Variants in KSR2 observed in about 807,000 individuals in gnomAD.
KSR2 encodes kinase suppressor of ras 2.
Under a neutral mutation model 107.8 loss-of-function variants are expected in KSR2, and 25 were observed. The observed-to-expected ratio is 0.23, with a 90% CI of 0.17 to 0.32. The LOEUF (loss-of-function observed/expected upper bound fraction) is 0.32. KSR2 is among the 10% of genes least tolerant of loss of function. The pLI is 1.00. For synonymous variants in KSR2, 480 were observed against 507.0 expected (o/e 0.95, Z 0.71); for missense variants, 887 against 1,268.9 (o/e 0.70, Z 4.57).
At chr12:117,568,175 C>A (rs896665797) in intron 7 of KSR2, among the ~76,000 whole-genome samples, 3 of 152,178 alleles carry the variant, frequency 2.0e-5, no homozygotes, top group Admixed American at 6.5e-5. Context: ...ACTTGCTGTA[C>A]CCTCCCTCCT....
intron 10 of KSR2, 120 bp from the exon 11 acceptor site, chr12:117,531,827 A>G: frequency 1.6e-6 from 1 of 637,316 alleles, no homozygotes; most frequent in Non-Finnish European, 2.6e-6. Context: ...GAGTTTCCAT[A>G]CTTCTGCAGA....
intron 3 of KSR2, among the ~76,000 whole-genome samples, chr12:117,798,712 A>ATATAT (rs1463784186): frequency 2.6e-5 from 2 of 76,450 alleles, no homozygotes; most frequent in East Asian, 4.9e-4. Flanking sequence ...AAAAGTCCAA[A>ATATAT]AAAAAAAAAT....
At chr12:117,773,586 A>G (rs773034880) in intron 3 of KSR2, among the ~76,000 whole-genome samples, 2 of 152,172 alleles carry the variant, frequency 1.3e-5, no homozygotes, top group Non-Finnish European at 2.9e-5. Flanking sequence ...AGAGTCTACC[A>G]TTCCAGGATC....
chr12:117,470,020 CCAGT>C (rs1341822245), intron 18 of KSR2, among the ~76,000 whole-genome samples: 3 of 151,566 alleles, frequency 2.0e-5, no homozygotes, highest in Non-Finnish European at 4.4e-5. Flanking sequence ...ATCCATCCAT[CCAGT>C]ATGTATCTAC....
chr12:117,927,140 C>T (rs1354812156), intron 1 of KSR2, among the ~76,000 whole-genome samples: 1 of 152,158 alleles, frequency 6.6e-6, no homozygotes, highest in Non-Finnish European at 1.5e-5. Context: ...CTTTGGGAGG[C>T]CGAGGCGGGT....
intron 5 of KSR2, among the ~76,000 whole-genome samples, chr12:117,611,883 T>C (rs370243267): frequency 6.6e-6 from 1 of 152,322 alleles, no homozygotes; most frequent in Non-Finnish European, 1.5e-5. Flanking sequence ...AAATATTGTA[T>C]GATTCCACTC....
chr12:117,539,594 G>T, intron 10 of KSR2, 125 bp downstream of exon 10: 1 of 882,138 alleles, frequency 1.1e-6, no homozygotes, highest in Non-Finnish European at 1.7e-6. Context: ...CCCCTCTCTG[G>T]TCATTGACCC....
chr12:117,507,261 G>C (rs988341767), intron 14 of KSR2, among the ~76,000 whole-genome samples: 2 of 152,140 alleles, frequency 1.3e-5, no homozygotes, highest in Admixed American at 1.3e-4. Flanking sequence ...TTCAGCACCA[G>C]GATGGCAAAC....
chr12:117,539,662 C>T (rs1428544081), intron 10 of KSR2, 57 bp downstream of exon 10: 5 of 1,489,164 alleles, frequency 3.4e-6, no homozygotes, highest in Middle Eastern at 2.4e-4. Context: ...CCACCCCCTC[C>T]CTAATCTCTG....
At chr12:117,826,331 A>G (rs1228543464) in intron 3 of KSR2, among the ~76,000 whole-genome samples, 1 of 152,048 alleles carries the variant, frequency 6.6e-6, no homozygotes, top group Non-Finnish European at 1.5e-5. Context: ...TGCAAAGCCC[A>G]CAGCAGTCCT....
intron 5 of KSR2, among the ~76,000 whole-genome samples, chr12:117,659,405 A>T (rs1207756417): frequency 1.3e-5 from 2 of 152,172 alleles, no homozygotes; most frequent in African/African-American, 4.8e-5. Flanking sequence ...CTCATGGAAC[A>T]TACACACCCA....
In KSR2 at chr12:117,521,114, C is replaced by A. The variant is rs1217923096; in HGVS notation, c.2219+3738G>T. On this transcript the variant is annotated intron_variant, in intron 14 of 19. Coordinates refer to ENST00000339824, the MANE Select transcript of KSR2 (RefSeq NM_173598.6). ...AGTCTTGCTCCTGACAGCTTCTCTA[C>A]CCTCACCTTCTCCCCTTTGCCCTCA... 2.6e-5 allele frequency among the ~76,000 whole-genome samples: 4 copies of A among 152,184 alleles called. No homozygotes were observed. The East Asian group carries it at 7.7e-4, about 29-fold the overall frequency.
chr12:117,535,053 T>A (rs1875940401), intron 10 of KSR2, among the ~76,000 whole-genome samples: 2 of 152,188 alleles, frequency 1.3e-5, no homozygotes, highest in Non-Finnish European at 2.9e-5. Flanking sequence ...TGGTCATTTG[T>A]TACAATAACA....
intron 1 of KSR2, among the ~76,000 whole-genome samples, chr12:117,914,728 G>T (rs1452492281): frequency 6.6e-6 from 1 of 152,122 alleles, no homozygotes; most frequent in Non-Finnish European, 1.5e-5. Context: ...AGAGACAGGG[G>T]TCTTACTATG....
chr12:117,484,287 C>T (rs1872334247), intron 16 of KSR2, 129 bp downstream of exon 16: 1 of 1,010,672 alleles, frequency 9.9e-7, no homozygotes. Flanking sequence ...AGTAGAGCAG[C>T]TGCCCCACTC....
chr12:117,916,147 T>TC, intron 1 of KSR2, among the ~76,000 whole-genome samples: 1 of 146,082 alleles, frequency 6.8e-6, no homozygotes, highest in African/African-American at 2.5e-5. Flanking sequence ...TTTTTTTTTT[T>TC]TTTTTTTGAG....
Position 117,555,327 on chromosome 12 carries a change from A to G in KSR2, c.1394-34T>C, listed in dbSNP as rs528977554. Reference sequence around the variant, plus strand: ...GTAAAAACATTGATTTGGGAGTTTAAGTATCACTTTGTCTTTGGTTATGCC... The same window carrying G: ...GTAAAAACATTGATTTGGGAGTTTAGGTATCACTTTGTCTTTGGTTATGCC... On this transcript the variant is annotated intron_variant, in intron 8 of 19. Coordinates refer to ENST00000339824, the MANE Select transcript of KSR2 (RefSeq NM_173598.6). 56 of 1,612,084 alleles carry G rather than the reference A, an allele frequency of 3.5e-5. No individual in the cohort carries two copies. In the East Asian group the frequency reaches 1.2e-3, roughly 35 times the overall value.
rs193100435 is a variant in KSR2 at position 117,732,841 on chromosome 12, G to A, written c.986+28170C>T. Reference sequence around the variant, plus strand: ...GCGTTTTAAATTACTGAGTCCTAACGGGGTCCATCAGAGGGGATGTAGGCC... The same window carrying A: ...GCGTTTTAAATTACTGAGTCCTAACAGGGTCCATCAGAGGGGATGTAGGCC... On this transcript the variant is annotated intron_variant, in intron 4 of 19. Transcript: ENST00000339824. Among the ~76,000 whole-genome samples, 454 of 152,254 alleles carry A rather than the reference G, an allele frequency of 3.0e-3. 1 individual carries two copies. Among genetic ancestry groups the A allele is most frequent in the Middle Eastern group, 0.017 (5 of 294 alleles).
Position 117,675,167 on chromosome 12 carries a change from A to T in KSR2, c.987-7509T>A, listed in dbSNP as rs952661643. On this transcript the variant is annotated intron_variant, in intron 4 of 19. Coordinates refer to ENST00000339824, the MANE Select transcript of KSR2 (RefSeq NM_173598.6). ...CCCAGCTGGAATTCTGCATTTACTTATGTGGTTACCAGAGGAATGTCTGTC... is the reference window on the plus strand; with the variant it reads ...CCCAGCTGGAATTCTGCATTTACTTTTGTGGTTACCAGAGGAATGTCTGTC... Among the ~76,000 whole-genome samples, 3 of 152,154 alleles carry T rather than the reference A, an allele frequency of 2.0e-5. No homozygotes were observed. In the South Asian group the frequency reaches 6.2e-4, roughly 32 times the overall value.
Sources: allele counts gnomAD v4.1 joint callset (sites outside exome capture counted in the v4.1 genomes callset), GRCh38; gene constraint gnomAD v4.1.1; transcripts MANE v1.5; gene names NCBI Gene and HGNC (gene_info 2026-07-23, HGNC 2026-07-21).